Variants in TUT4 observed in about 807,000 individuals in gnomAD.
TUT4 encodes terminal uridylyltransferase 4.
TUT4 carries 36 observed loss-of-function variants against 192.2 expected under a neutral mutation model. The observed-to-expected ratio is 0.19, with a 90% CI of 0.14 to 0.25. The LOEUF (loss-of-function observed/expected upper bound fraction) is 0.25, where lower values mean the gene tolerates loss of function less well. TUT4 is among the 10% of genes least tolerant of loss of function. The pLI is 1.00. For synonymous variants in TUT4, 618 were observed against 666.0 expected (o/e 0.93, Z 1.11); for missense variants, 1,493 against 1,957.2 (o/e 0.76, Z 4.47).
intron 2 of TUT4, among the ~76,000 whole-genome samples, chr1:52,521,770 C>T (rs931807359): frequency 6.6e-6 from 1 of 152,120 alleles, no homozygotes; most frequent in Non-Finnish European, 1.5e-5. Flanking sequence ...TCAAGACCAG[C>T]CTGATCAACA....
chr1:52,453,396 A>T (rs1433323824), intron 20 of TUT4, among the ~76,000 whole-genome samples: 1 of 151,860 alleles, frequency 6.6e-6, no homozygotes, highest in East Asian at 1.9e-4. Context: ...AAAAAAAAAG[A>T]AATAAAAAGC....
intron 19 of TUT4, 26 bp downstream of exon 19, chr1:52,461,108 C>A: frequency 6.7e-7 from 1 of 1,502,906 alleles, no homozygotes; most frequent in East Asian, 2.3e-5. Context: ...ATGAACAAAG[C>A]AGATCATTAA....
chr1:52,510,752 T>C (rs564870562), intron 3 of TUT4, among the ~76,000 whole-genome samples: 2 of 152,336 alleles, frequency 1.3e-5, no homozygotes, highest in East Asian at 3.9e-4. Flanking sequence ...TCTGATTAAA[T>C]TGACATTATT....
chr1:52,473,121 G>A (rs1427369131), intron 13 of TUT4, among the ~76,000 whole-genome samples: 2 of 152,070 alleles, frequency 1.3e-5, no homozygotes, highest in Non-Finnish European at 2.9e-5. Flanking sequence ...CATAAGACAT[G>A]TAAACTGAAG....
intron 4 of TUT4, among the ~76,000 whole-genome samples, chr1:52,502,517 CCTT>C (rs765234032): frequency 7.2e-5 from 11 of 151,866 alleles, no homozygotes; most frequent in Non-Finnish European, 1.2e-4. Context: ...TGAATTCCAT[CCTT>C]CTTTACCCAC....
At chr1:52,512,010 T>C (rs1020052991) in intron 3 of TUT4, among the ~76,000 whole-genome samples, 1 of 152,200 alleles carries the variant, frequency 6.6e-6, no homozygotes, top group Non-Finnish European at 1.5e-5. Flanking sequence ...AAAGCATACA[T>C]ACAGAATACC....
At chr1:52,499,167 G>A (rs1189347944) in intron 4 of TUT4, among the ~76,000 whole-genome samples, 1 of 151,696 alleles carries the variant, frequency 6.6e-6, no homozygotes, top group African/African-American at 2.4e-5. Flanking sequence ...GAGAAGCCAA[G>A]GCAGGTGGAT....
At position 52,468,159 on chromosome 1, in the gene TUT4, A is replaced by G. The variant is rs74949139; in HGVS notation, c.2965+22T>C. 3,848 of 1,564,168 alleles carry G rather than the reference A, an allele frequency of 2.5e-3. 76 individuals carry two copies. In the African/African-American group the frequency reaches 0.047, roughly 19 times the overall value. Reference sequence around the variant, plus strand: ...ACATGACTACAGCAAAAACGCAATAAATTTTTTAACCTATGACATACCATC... The same window carrying G: ...ACATGACTACAGCAAAAACGCAATAGATTTTTTAACCTATGACATACCATC... On this transcript the variant is annotated intron_variant, in intron 15 of 29. Coordinates refer to ENST00000257177, the MANE Select transcript of TUT4 (RefSeq NM_001009881.3).
rs761595580 is a variant in TUT4 at position 52,425,437 on chromosome 1, G to A, written c.4782C>T (p.Val1594=). 3.7e-6 allele frequency: 6 copies of A among 1,614,050 alleles called. No homozygotes were observed. In the East Asian group the frequency reaches 8.9e-5, roughly 24 times the overall value. The change falls in exon 29 of 30, where the codon GTC becomes GTT. Residue 1594 remains valine, a synonymous_variant. Coordinates refer to ENST00000257177, the MANE Select transcript of TUT4 (RefSeq NM_001009881.3). ...GCAAACCATAAGGCCACGAAGCTGG[G>A]ACAAGGGGGAAATGGGGACGCGGTG... ...EHAPRPHFPL[V]PASWPYGLHQ...
intron 4 of TUT4, among the ~76,000 whole-genome samples, chr1:52,497,512 A>G (rs2149162142): frequency 6.6e-6 from 1 of 152,372 alleles, no homozygotes; most frequent in East Asian, 1.9e-4. Flanking sequence ...GCACCAAGGC[A>G]GATTGTCTTA....
At position 52,540,399 on chromosome 1, in the gene TUT4, C is replaced by T. The variant is rs184107885; in HGVS notation, c.-94+12532G>A. 4.7e-4 allele frequency among the ~76,000 whole-genome samples: 71 copies of T among 151,320 alleles called. 2 individuals are homozygous for T. The East Asian group carries it at 6.4e-3, about 14-fold the overall frequency. On this transcript the variant is annotated intron_variant, in intron 1 of 29. Transcript: ENST00000257177. ...GGTGTGGTGGCATGCACCTGTAGTC[C>T]GACTTCTCAGGAGGCTGAGGCAGAA...
intron 1 of TUT4, among the ~76,000 whole-genome samples, chr1:52,534,703 A>C (rs948856471): frequency 2.0e-5 from 3 of 151,458 alleles, no homozygotes; most frequent in Non-Finnish European, 2.9e-5. Context: ...AAAAAAAAAA[A>C]CAAACAAAAA....
intron 14 of TUT4, 171 bp from the exon 15 acceptor site, chr1:52,468,438 G>A: frequency 2.9e-5 from 15 of 509,328 alleles, no homozygotes; most frequent in South Asian, 2.0e-4. Context: ...GGAGATAGAA[G>A]GAAAAAAACT....
At chr1:52,452,660 C>T (rs1381482013) in intron 20 of TUT4, among the ~76,000 whole-genome samples, 1 of 152,192 alleles carries the variant, frequency 6.6e-6, no homozygotes, top group Non-Finnish European at 1.5e-5. Context: ...TGGTGGTATG[C>T]CCTGATAGGG....
Position 52,463,420 on chromosome 1 carries a change from C to T in TUT4, c.3069+1650G>A, listed in dbSNP as rs552966128. ...GATGTTAAGACACCAGAAGCAACTT[C>T]TTATGGCCAGAAGTTAAGTCATCAC... On this transcript the variant is annotated intron_variant, in intron 16 of 29. Coordinates refer to ENST00000257177, the MANE Select transcript of TUT4 (RefSeq NM_001009881.3). 1.5e-4 allele frequency: 154 copies of T among 1,016,878 alleles called. No individual in the cohort carries two copies. The African/African-American group carries it at 2.2e-3, about 15-fold the overall frequency. The allele number at this position is 1,016,878 out of a possible 1,614,324, so 63.0% of individuals were successfully genotyped here. A position where few individuals can be genotyped will look rare whatever the true frequency, so the allele number is the denominator to read the frequency against.
intron 7 of TUT4, among the ~76,000 whole-genome samples, chr1:52,492,129 T>C (rs1671313407): frequency 6.6e-6 from 1 of 152,152 alleles, no homozygotes; most frequent in South Asian, 2.1e-4. Context: ...CTCTTATCTG[T>C]AGTAAACTTA....
intron 14 of TUT4, among the ~76,000 whole-genome samples, chr1:52,471,456 A>G (rs1665762291): frequency 6.6e-6 from 1 of 152,204 alleles, no homozygotes; most frequent in Non-Finnish European, 1.5e-5. Context: ...CCACTACTAT[A>G]GCATGTAACA....
rs549439306 is a variant in TUT4, at chr1:52,545,513, T to C, written c.-94+7418A>G. Among the ~76,000 whole-genome samples the C allele has an allele frequency of 8.6e-5, 13 of 151,670 alleles. No individual in the cohort carries two copies. In the South Asian group the frequency reaches 1.0e-3, roughly 12 times the overall value. The stretch of plus-strand genomic sequence containing the variant: ...AACAAAAAATGACCTGATTTGAAAA[T>C]GGGCAAAGGGCTGGCATAGACATTT... On this transcript the variant is annotated intron_variant, in intron 1 of 29. Transcript: ENST00000257177.
intron 2 of TUT4, among the ~76,000 whole-genome samples, chr1:52,522,824 G>A (rs1680638686): frequency 6.6e-6 from 1 of 151,918 alleles, no homozygotes; most frequent in Non-Finnish European, 1.5e-5. Flanking sequence ...TACTTGGGAG[G>A]CTGAGGTAGG....
Sources: gnomAD v4.1 joint callset for allele counts (sites outside exome capture counted in the v4.1 genomes callset) on GRCh38, gnomAD v4.1.1 for gene constraint, MANE v1.5 for transcripts, NCBI Gene and HGNC (gene_info 2026-07-23, HGNC 2026-07-21) for gene names.